SOX5: variants seen among roughly 807,000 people sequenced by gnomAD.
SOX5 encodes the protein SRY-box transcription factor 5.
SOX5 carries 9 observed loss-of-function variants against 92.0 expected under a neutral mutation model. The ratio of observed to expected loss-of-function variants is 0.10; its 90% CI spans 0.06 to 0.17. The LOEUF is 0.17. SOX5 is among the 10% of genes least tolerant of loss of function. The pLI, the probability that SOX5 is intolerant of heterozygous loss-of-function variation, is 1.00. For synonymous variants in SOX5, 344 were observed against 336.3 expected (o/e 1.02, Z -0.25); for missense variants, 642 against 944.5 (o/e 0.68, Z 4.20).
intron 8 of SOX5, among the ~76,000 whole-genome samples, chr12:23,621,295 G>A (rs1203464677): frequency 6.6e-6 from 1 of 152,018 alleles, no homozygotes; most frequent in Non-Finnish European, 1.5e-5. Context: ...GATGGGGGAA[G>A]AGGAAATAAG....
intron 3 of SOX5, among the ~76,000 whole-genome samples, chr12:24,261,406 G>A (rs960216842): frequency 2.0e-5 from 3 of 152,128 alleles, no homozygotes; most frequent in South Asian, 4.2e-4. Context: ...ACCCACTCTC[G>A]TTAAAAGCAT....
intron 4 of SOX5, among the ~76,000 whole-genome samples, chr12:24,020,283 G>A (rs996974566): frequency 6.6e-6 from 1 of 152,040 alleles, no homozygotes; most frequent in Non-Finnish European, 1.5e-5. Flanking sequence ...ATTGTGACTC[G>A]AGTAATCCCT....
chr12:23,606,937 G>T (rs2075327050), intron 8 of SOX5, among the ~76,000 whole-genome samples: 1 of 152,092 alleles, frequency 6.6e-6, no homozygotes, highest in African/African-American at 2.4e-5. Flanking sequence ...AATATCATTT[G>T]CCTTGCTGGT....
At chr12:24,557,399 T>TG (rs1953905523) in intron 1 of SOX5, among the ~76,000 whole-genome samples, 1 of 73,922 alleles carries the variant, frequency 1.4e-5, no homozygotes, top group Non-Finnish European at 3.8e-5. Flanking sequence ...AGACTTCATT[T>TG]CAAAAAAAAA....
At chr12:23,985,662 A>AT (rs34711588) in intron 4 of SOX5, among the ~76,000 whole-genome samples, 8,286 of 149,068 alleles carry the variant, frequency 0.056, 669 homozygotes, top group East Asian at 0.39. Context: ...TGCTTCCCTT[A>AT]TTTTTTTTTT....
chr12:23,670,730 T>C (rs1377016430), intron 6 of SOX5, among the ~76,000 whole-genome samples: 1 of 151,476 alleles, frequency 6.6e-6, no homozygotes. Flanking sequence ...ATTAGAGAGA[T>C]TGGAATTGAG....
At chr12:24,073,643 A>G (rs2137475485) in intron 4 of SOX5, among the ~76,000 whole-genome samples, 1 of 152,336 alleles carries the variant, frequency 6.6e-6, no homozygotes, top group Middle Eastern at 3.4e-3. Context: ...AGAATCTGTG[A>G]AAACACTTCA....
chr12:23,719,801 A>AC (rs2092709503), intron 6 of SOX5, among the ~76,000 whole-genome samples: 1 of 150,036 alleles, frequency 6.7e-6, no homozygotes, highest in Non-Finnish European at 1.5e-5. Context: ...AAAAAAAAAA[A>AC]AAAAAAAAAA....
At chr12:24,011,882 A>G (rs1473756675) in intron 4 of SOX5, among the ~76,000 whole-genome samples, 1 of 152,186 alleles carries the variant, frequency 6.6e-6, no homozygotes. Flanking sequence ...TTGACTAACA[A>G]GAGAAAATAT....
intron 6 of SOX5, among the ~76,000 whole-genome samples, chr12:23,726,643 T>C (rs772498490): frequency 3.9e-5 from 6 of 152,180 alleles, no homozygotes; most frequent in Admixed American, 6.6e-5. Flanking sequence ...GTCCCTATTT[T>C]GTTAAGAGGA....
chr12:23,581,452 G>C (rs1950029951), intron 9 of SOX5, among the ~76,000 whole-genome samples: 1 of 151,818 alleles, frequency 6.6e-6, no homozygotes, highest in South Asian at 2.1e-4. Context: ...CCATATCACA[G>C]GTATCTCAAA....
chr12:23,555,155 T>A (rs964741837), intron 11 of SOX5, among the ~76,000 whole-genome samples: 6 of 152,196 alleles, frequency 3.9e-5, no homozygotes, highest in Non-Finnish European at 7.3e-5. Context: ...TGTTGTATAT[T>A]CTTTTAGTCT....
intron 11 of SOX5, among the ~76,000 whole-genome samples, chr12:23,546,800 C>T (rs930837899): frequency 2.0e-5 from 3 of 152,108 alleles, no homozygotes; most frequent in African/African-American, 7.2e-5. Flanking sequence ...ATAGGAGTGG[C>T]GTGAAGCCCA....
At chr12:24,318,470 T>C (rs1036111385) in intron 2 of SOX5, among the ~76,000 whole-genome samples, 7 of 152,210 alleles carry the variant, frequency 4.6e-5, no homozygotes, top group African/African-American at 1.4e-4. Context: ...CTTGAAATCA[T>C]GGCGAGCTAT....
rs117337793 is a variant in SOX5, at chr12:24,401,629, C to A, written c.-250-32990G>T. On this transcript the variant is annotated intron_variant, in intron 1 of 4. Coordinates refer to the SOX5 transcript ENST00000446891. ...GGAGACTGAGGCAAGAGGATGAATT[C>A]TGCCCAGGAGTTGGAAGATGCAGTG... Among the ~76,000 whole-genome samples, 110 of 145,548 alleles carry A rather than the reference C, an allele frequency of 7.6e-4. No homozygotes were observed. The East Asian group carries it at 0.019, about 25-fold the overall frequency.
At chr12:23,668,146 T>C (rs925814538) in intron 6 of SOX5, among the ~76,000 whole-genome samples, 5 of 152,240 alleles carry the variant, frequency 3.3e-5, no homozygotes, top group African/African-American at 1.2e-4. Flanking sequence ...ATGTATTAGA[T>C]AAGCTTTGCT....
At chr12:24,326,423 A>T (rs930159898) in intron 2 of SOX5, among the ~76,000 whole-genome samples, 4 of 148,282 alleles carry the variant, frequency 2.7e-5, no homozygotes, top group African/African-American at 9.9e-5. Context: ...ACAAACCTTT[A>T]TGACTCTTAC....
At chr12:24,282,367 T>A (rs557627339) in intron 2 of SOX5, among the ~76,000 whole-genome samples, 21 of 150,024 alleles carry the variant, frequency 1.4e-4, no homozygotes, top group African/African-American at 4.9e-4. Context: ...TAAAAATAAA[T>A]CAATAAATAA....
rs552216282 is a variant in SOX5 at position 24,468,603 on chromosome 12, A to G, written c.-251+93726T>C. Among the ~76,000 whole-genome samples the G allele has an allele frequency of 7.2e-4, 110 of 152,262 alleles. 3 individuals carry two copies. In the South Asian group the frequency reaches 0.019, roughly 26 times the overall value. On this transcript the variant is annotated intron_variant, in intron 1 of 4. Transcript: ENST00000446891. ...GGGTTTAGTCAAACACCGCCCCACA[A>G]AGCAATTCTTGAGGTAAACTTTCCC... is the stretch of plus-strand genomic sequence containing the variant.
Sources: gnomAD v4.1 joint callset for allele counts (sites outside exome capture counted in the v4.1 genomes callset) on GRCh38, gnomAD v4.1.1 for gene constraint, MANE v1.5 for transcripts, NCBI Gene and HGNC (gene_info 2026-07-23, HGNC 2026-07-21) for gene names.